PLCB1: variants seen among roughly 807,000 people sequenced by gnomAD.
The protein encoded by PLCB1 is phospholipase C beta 1, also known as 1-phosphatidylinositol 4,5-bisphosphate phosphodiesterase beta-1.
In PLCB1, 46 loss-of-function variants were observed where a neutral mutation model predicts 161.8. The observed-to-expected ratio is 0.28, with a 90% CI of 0.22 to 0.36. The LOEUF is 0.36. PLCB1 is among the 10% of genes least tolerant of loss of function. The pLI, the probability that PLCB1 is intolerant of heterozygous loss-of-function variation, is 1.00. For synonymous variants in PLCB1, 517 were observed against 503.7 expected, an observed-to-expected ratio of 1.03 and a Z score of -0.35; for missense variants, 1,016 against 1,472.5, an observed-to-expected ratio of 0.69 and a Z score of 5.07.
chr20:8,881,520 A>G (rs930886716), intron 31 of PLCB1, 102 bp from the exon 32 acceptor site: 6 of 838,304 alleles, frequency 7.2e-6, no homozygotes, highest in Non-Finnish European at 1.2e-5. Flanking sequence ...AAGTTAATGT[A>G]TTCATCAGCC....
chr20:8,550,323 T>C (rs1985730250), intron 3 of PLCB1, among the ~76,000 whole-genome samples: 1 of 152,146 alleles, frequency 6.6e-6, no homozygotes, highest in African/African-American at 2.4e-5. Flanking sequence ...AATCTCACCA[T>C]GAATTGTAAT....
intron 13 of PLCB1, 132 bp from the exon 14 acceptor site, chr20:8,717,539 A>G: frequency 1.6e-6 from 1 of 616,340 alleles, no homozygotes; most frequent in Non-Finnish European, 2.8e-6. Context: ...ATACACTAAG[A>G]GTTTAATGAG....
intron 2 of PLCB1, among the ~76,000 whole-genome samples, chr20:8,344,378 A>G (rs1264016341): frequency 1.3e-5 from 2 of 152,238 alleles, no homozygotes; most frequent in African/African-American, 4.8e-5. Context: ...CAAGTACAAA[A>G]GGGAACATTT....
intron 31 of PLCB1, among the ~76,000 whole-genome samples, chr20:8,870,353 T>C (rs896914431): frequency 1.3e-5 from 2 of 152,230 alleles, no homozygotes; most frequent in Non-Finnish European, 2.9e-5. Context: ...GACTATGTAA[T>C]TGTTAAATGT....
At chr20:8,388,153 A>T (rs1250329087) in intron 3 of PLCB1, among the ~76,000 whole-genome samples, 1 of 152,072 alleles carries the variant, frequency 6.6e-6, no homozygotes, top group Non-Finnish European at 1.5e-5. Context: ...TGGAGACTTC[A>T]CTTTGGCACA....
intron 3 of PLCB1, among the ~76,000 whole-genome samples, chr20:8,622,578 C>T (rs992337410): frequency 2.6e-5 from 4 of 152,166 alleles, no homozygotes; most frequent in African/African-American, 9.7e-5. Context: ...TACTTAGGGA[C>T]ATCCTAAGAT....
chr20:8,661,932 C>T (rs969458495), intron 9 of PLCB1, among the ~76,000 whole-genome samples: 9 of 27,338 alleles, frequency 3.3e-4, no homozygotes, highest in African/African-American at 1.0e-3. Flanking sequence ...TTGCACTCCT[C>T]TTAAAAGTGT....
chr20:8,245,311 T>A (rs1980827733), intron 2 of PLCB1, among the ~76,000 whole-genome samples: 1 of 151,874 alleles, frequency 6.6e-6, no homozygotes. Context: ...TATGGGTGTA[T>A]ATGTGTACAC....
chr20:8,473,803 C>T (rs181381053), intron 3 of PLCB1, among the ~76,000 whole-genome samples: 1 of 152,310 alleles, frequency 6.6e-6, no homozygotes, highest in African/African-American at 2.4e-5. Context: ...AGGCTGGGCA[C>T]TCAGCAGCCT....
chr20:8,363,397 G>A (rs1193253119), intron 2 of PLCB1, among the ~76,000 whole-genome samples: 1 of 152,074 alleles, frequency 6.6e-6, no homozygotes, highest in Admixed American at 6.5e-5. Context: ...TAGAACTGAT[G>A]CTCTTATCTC....
intron 3 of PLCB1, among the ~76,000 whole-genome samples, chr20:8,438,689 G>A (rs1176882529): frequency 2.6e-5 from 4 of 152,138 alleles, no homozygotes; most frequent in African/African-American, 4.8e-5. Flanking sequence ...GTACCCCCTA[G>A]CTTTGCTGAA....
At chr20:8,588,467 G>T (rs73595541) in intron 3 of PLCB1, among the ~76,000 whole-genome samples, 6,285 of 152,152 alleles carry the variant, frequency 0.041, 227 homozygotes, top group African/African-American at 0.1. Flanking sequence ...CCCCTAATGT[G>T]ACTTTATTTG....
intron 31 of PLCB1, among the ~76,000 whole-genome samples, chr20:8,842,299 A>G (rs1236154801): frequency 6.6e-6 from 1 of 152,226 alleles, no homozygotes; most frequent in Non-Finnish European, 1.5e-5. Flanking sequence ...CTTTTATCAA[A>G]TAAACAGCTA....
At chr20:8,484,612 G>C (rs960947857) in intron 3 of PLCB1, among the ~76,000 whole-genome samples, 13 of 152,054 alleles carry the variant, frequency 8.5e-5, no homozygotes, top group African/African-American at 3.1e-4. Context: ...TCCTCCCGAA[G>C]TGCTGGGATT....
chr20:8,627,025 TTTAGTGATAGCA>T (rs1247654466), intron 3 of PLCB1, among the ~76,000 whole-genome samples: 5 of 152,200 alleles, frequency 3.3e-5, no homozygotes, highest in African/African-American at 4.8e-5. Flanking sequence ...AAATTGATGT[TTTAGTGATAGCA>T]TTTGATCTTT....
intron 19 of PLCB1, among the ~76,000 whole-genome samples, chr20:8,735,168 A>T (rs1356792746): frequency 6.6e-6 from 1 of 152,198 alleles, no homozygotes; most frequent in African/African-American, 2.4e-5. Flanking sequence ...AATCCTTGTC[A>T]ATTGTTGTTA....
intron 3 of PLCB1, among the ~76,000 whole-genome samples, chr20:8,504,298 A>G (rs1262753360): frequency 6.6e-6 from 1 of 152,162 alleles, no homozygotes; most frequent in East Asian, 1.9e-4. Flanking sequence ...ATGTCTGCCC[A>G]GAAGTGACAC....
intron 3 of PLCB1, 50 bp from the exon 4 acceptor site, chr20:8,628,244 C>T (rs1160640559): frequency 8.0e-6 from 11 of 1,368,838 alleles, no homozygotes; most frequent in Middle Eastern, 1.8e-4. Flanking sequence ...TATGCTATCA[C>T]GTTGGAATCT....
intron 3 of PLCB1, among the ~76,000 whole-genome samples, chr20:8,399,626 T>A (rs967973697): frequency 1.3e-5 from 2 of 152,196 alleles, no homozygotes; most frequent in Non-Finnish European, 2.9e-5. Context: ...AATACTATTC[T>A]CTGCTTTCCA....
Sources: gnomAD v4.1 joint callset for allele counts (sites outside exome capture counted in the v4.1 genomes callset) on GRCh38, gnomAD v4.1.1 for gene constraint, MANE v1.5 for transcripts, NCBI Gene and HGNC (gene_info 2026-07-23, HGNC 2026-07-21) for gene names.